The following GLG1 variants were observed in gnomAD, a reference collection of about 807,000 sequenced individuals.
GLG1 encodes golgi glycoprotein 1, also known as Golgi apparatus protein 1.
In GLG1, 38 loss-of-function variants were observed where a neutral mutation model predicts 160.5. The ratio of observed to expected loss-of-function variants is 0.24; its 90% CI spans 0.18 to 0.31. The LOEUF (loss-of-function observed/expected upper bound fraction) is 0.31, where lower values mean the gene tolerates loss of function less well. Among genes scored for constraint, GLG1 ranks in the 10% least tolerant of loss-of-function variants. The pLI is 1.00. For synonymous variants in GLG1, 644 were observed against 543.4 expected, an observed-to-expected ratio of 1.19 and a Z score of -2.57; for missense variants, 1,373 against 1,505.2, an observed-to-expected ratio of 0.91 and a Z score of 1.45.
intron 1 of GLG1, among the ~76,000 whole-genome samples, chr16:74,546,614 G>A (rs952782132): frequency 6.6e-6 from 1 of 151,324 alleles, no homozygotes; most frequent in Non-Finnish European, 1.5e-5. Context: ...AGGCAAGGCG[G>A]ATCACCTCAG....
chr16:74,510,665 C>T (rs1318303695), intron 2 of GLG1, among the ~76,000 whole-genome samples: 1 of 152,094 alleles, frequency 6.6e-6, no homozygotes, highest in African/African-American at 2.4e-5. Flanking sequence ...CTTGGCAATG[C>T]GTTTCACAGA....
intron 8 of GLG1, among the ~76,000 whole-genome samples, chr16:74,488,025 C>A (rs2015853229): frequency 6.6e-6 from 1 of 152,034 alleles, no homozygotes; most frequent in Non-Finnish European, 1.5e-5. Flanking sequence ...GAGCCTGGGC[C>A]CACACTTACT....
At chr16:74,501,378 T>C (rs1406680293) in intron 4 of GLG1, among the ~76,000 whole-genome samples, 1 of 152,244 alleles carries the variant, frequency 6.6e-6, no homozygotes, top group Non-Finnish European at 1.5e-5. Flanking sequence ...GTAGACATAC[T>C]GAAAGATTAA....
At chr16:74,536,638 G>A (rs2017695541) in intron 1 of GLG1, among the ~76,000 whole-genome samples, 1 of 152,102 alleles carries the variant, frequency 6.6e-6, no homozygotes, top group African/African-American at 2.4e-5. Context: ...TGATCCCTTG[G>A]GGGTCAGGAA....
chr16:74,464,247 C>A (rs2014918305), intron 19 of GLG1, among the ~76,000 whole-genome samples: 1 of 152,124 alleles, frequency 6.6e-6, no homozygotes, highest in African/African-American at 2.4e-5. Context: ...AACACTGTAC[C>A]AGGTGGCTGT....
intron 1 of GLG1, among the ~76,000 whole-genome samples, chr16:74,600,860 C>G (rs973018496): frequency 6.6e-6 from 1 of 151,652 alleles, no homozygotes; most frequent in African/African-American, 2.4e-5. Context: ...AAATAATTTA[C>G]TATCTGTATG....
intron 2 of GLG1, among the ~76,000 whole-genome samples, chr16:74,527,847 C>T (rs896307262): frequency 5.9e-5 from 9 of 151,768 alleles, no homozygotes; most frequent in African/African-American, 1.9e-4. Context: ...ATGCCTCAGC[C>T]TCCCAAGTAG....
chr16:74,599,194 A>G (rs1247140723), intron 1 of GLG1, among the ~76,000 whole-genome samples: 1 of 150,744 alleles, frequency 6.6e-6, no homozygotes, highest in Non-Finnish European at 1.5e-5. Flanking sequence ...AGGTAGGGAT[A>G]AAAACATCCC....
At chr16:74,494,729 A>G (rs1567480023) in intron 6 of GLG1, 31 bp downstream of exon 6, 1 of 1,003,288 alleles carries the variant, frequency 1.0e-6, no homozygotes, top group Non-Finnish European at 1.6e-6. Context: ...AAAACAAATA[A>G]AACATTCATT....
In GLG1 at chr16:74,452,210, C is replaced by T; in HGVS notation, c.*957G>A. On this transcript the variant is annotated 3_prime_UTR_variant, in exon 26 of 26. Transcript: ENST00000422840. ...TGCTCCCCACACCCATCTTCAAGGA[C>T]CCCTCCCGCCACAGTCCTGCCTCCT... The T allele has an allele frequency of 1.3e-6, 2 of 1,536,878 alleles. No individual in the cohort carries two copies. Among genetic ancestry groups the T allele is most frequent in the South Asian group, 2.4e-5 (2 of 83,296 alleles).
chr16:74,482,989 G>C, intron 10 of GLG1, 34 bp downstream of exon 10: 1 of 1,051,294 alleles, frequency 9.5e-7, no homozygotes, highest in Non-Finnish European at 1.5e-6. Flanking sequence ...AAGAGGCTGA[G>C]GCAATACATT....
intron 8 of GLG1, among the ~76,000 whole-genome samples, chr16:74,486,492 C>T (rs1216065849): frequency 6.6e-6 from 1 of 152,162 alleles, no homozygotes; most frequent in East Asian, 1.9e-4. Context: ...TTTTCTATAA[C>T]CAAGAGGTAA....
chr16:74,487,304 T>C (rs992005403), intron 8 of GLG1, among the ~76,000 whole-genome samples: 71 of 152,050 alleles, frequency 4.7e-4, no homozygotes, highest in Non-Finnish European at 6.8e-4. Flanking sequence ...GGAACCCTGT[T>C]GTGTCACTGA....
chr16:74,524,973 T>C (rs2017290015), intron 2 of GLG1, among the ~76,000 whole-genome samples: 1 of 152,256 alleles, frequency 6.6e-6, no homozygotes, highest in African/African-American at 2.4e-5. Flanking sequence ...TGTTGTAACA[T>C]GTATTAGTAC....
In GLG1 at chr16:74,464,411, C is replaced by A. The variant is rs1472386766; in HGVS notation, c.2668-932G>T. On this transcript the variant is annotated intron_variant, in intron 19 of 25. Transcript: ENST00000422840. ...AAGCAGTAAAGGGTAGGGTCCTGTA[C>A]ACTTACTGCTGTCCTTTAAGTCAGG... is the stretch of plus-strand genomic sequence containing the variant. 2.6e-5 allele frequency among the ~76,000 whole-genome samples: 4 copies of A among 152,206 alleles called. No individual in the cohort carries two copies. In the South Asian group the frequency reaches 6.2e-4, roughly 24 times the overall value.
rs1257521637 is a variant in GLG1 at position 74,607,079 on chromosome 16, G to T, written c.16C>A (p.Arg6Ser). 2 of 1,556,160 alleles carry T rather than the reference G, an allele frequency of 1.3e-6. No homozygotes were observed. The highest frequency in any genetic ancestry group is 1.4e-5 in the African/African-American group (1 of 73,530). Residue 6 changes from arginine to serine, a missense_variant, in exon 1 of 26, where the codon CGT becomes AGT. Transcript: ENST00000422840. Reference sequence around the variant, plus strand: ...GACAAGCGGAACATCCTCCGTACACGTCCACACGCCGCCATCTTGAGTCCG... The same window carrying T: ...GACAAGCGGAACATCCTCCGTACACTTCCACACGCCGCCATCTTGAGTCCG... The part of the protein sequence containing the change: MAACG[R>S]VRRMFRLSAA...
chr16:74,495,218 A>G (rs2016142803), intron 5 of GLG1, among the ~76,000 whole-genome samples: 2 of 150,612 alleles, frequency 1.3e-5, no homozygotes, highest in African/African-American at 4.9e-5. Flanking sequence ...GGTTCAAGCA[A>G]TTCTCCTGCC....
At chr16:74,595,416 A>C (rs1180579132) in intron 1 of GLG1, among the ~76,000 whole-genome samples, 1 of 151,880 alleles carries the variant, frequency 6.6e-6, no homozygotes, top group African/African-American at 2.4e-5. Flanking sequence ...GGGCGCCTGT[A>C]GTCCCAGCTA....
chr16:74,463,603 A>G lies in GLG1; in HGVS notation c.2668-124T>C, dbSNP rs1007007003. 2.3e-5 allele frequency: 21 copies of G among 903,436 alleles called. No individual in the cohort carries two copies. In the African/African-American group the frequency reaches 3.2e-4, roughly 14 times the overall value. The allele number at this position is 903,436 out of a possible 1,614,324, so 56.0% of individuals were successfully genotyped here. A position where few individuals can be genotyped will look rare whatever the true frequency, so the allele number is the denominator to read the frequency against. Reference sequence around the variant, plus strand: ...CACCCAGGCTGGAGTGCAGTGGCGCAATTCGGCTTACTGCAACCTCCGCCT... The same window carrying G: ...CACCCAGGCTGGAGTGCAGTGGCGCGATTCGGCTTACTGCAACCTCCGCCT... On this transcript the variant is annotated intron_variant, in intron 19 of 25. Coordinates refer to ENST00000422840, the MANE Select transcript of GLG1 (RefSeq NM_001145667.2).
Sources: gnomAD v4.1 joint callset for allele counts (sites outside exome capture counted in the v4.1 genomes callset) on GRCh38, gnomAD v4.1.1 for gene constraint, MANE v1.5 for transcripts, NCBI Gene and HGNC (gene_info 2026-07-23, HGNC 2026-07-21) for gene names.